The following COLEC12 variants were observed in gnomAD, a reference collection of about 807,000 sequenced individuals.
COLEC12 encodes the protein collectin subfamily member 12, also known as collectin-12.
In COLEC12, 33 loss-of-function variants were observed where a neutral mutation model predicts 71.1. The ratio of observed to expected loss-of-function variants is 0.46; its 90% CI spans 0.35 to 0.62. COLEC12 has a LOEUF of 0.62. Ranked by LOEUF, COLEC12 falls within the 20% of genes least tolerant of loss-of-function variation. The pLI is 0.00. For missense variants in COLEC12, 765 were observed against 916.1 expected (o/e 0.84, Z 2.13); for synonymous variants, 350 against 353.0 (o/e 0.99, Z 0.10).
At chr18:499,159 T>C (rs139162289) in intron 1 of COLEC12, among the ~76,000 whole-genome samples, 69 of 152,292 alleles carry the variant, frequency 4.5e-4, no homozygotes, top group East Asian at 1.5e-3. Flanking sequence ...GTGTATTTCC[T>C]AGAATGTAAA....
At chr18:492,630 G>A (rs1917638198) in intron 1 of COLEC12, among the ~76,000 whole-genome samples, 1 of 152,172 alleles carries the variant, frequency 6.6e-6, no homozygotes, top group South Asian at 2.1e-4. Context: ...TAAGGGCCTT[G>A]GCAGGGCCTC....
intron 2 of COLEC12, among the ~76,000 whole-genome samples, chr18:366,316 G>A (rs1914855861): frequency 6.6e-6 from 1 of 152,152 alleles, no homozygotes; most frequent in Non-Finnish European, 1.5e-5. Flanking sequence ...GGGAGCATGG[G>A]AAGGACCCCA....
intron 2 of COLEC12, among the ~76,000 whole-genome samples, chr18:458,797 C>T (rs943500464): frequency 6.6e-6 from 1 of 152,244 alleles, no homozygotes; most frequent in Non-Finnish European, 1.5e-5. Context: ...TCTGGTCCAC[C>T]ACTGCACCTC....
At chr18:493,349 G>A (rs1441019802) in intron 1 of COLEC12, among the ~76,000 whole-genome samples, 1 of 152,174 alleles carries the variant, frequency 6.6e-6, no homozygotes, top group African/African-American at 2.4e-5. Flanking sequence ...TTATAAGCAC[G>A]AGTCATCAGG....
At chr18:378,275 G>A (rs1915155674) in intron 2 of COLEC12, among the ~76,000 whole-genome samples, 1 of 152,162 alleles carries the variant, frequency 6.6e-6, no homozygotes, top group Non-Finnish European at 1.5e-5. Flanking sequence ...CCTGCACAGC[G>A]CTGGCCAGGC....
intron 2 of COLEC12, among the ~76,000 whole-genome samples, chr18:435,433 G>C (rs1361757713): frequency 6.6e-6 from 1 of 152,066 alleles, no homozygotes; most frequent in Non-Finnish European, 1.5e-5. Context: ...ACCAGATCTC[G>C]TGAGATGCAC....
intron 8 of COLEC12, among the ~76,000 whole-genome samples, chr18:325,421 A>G (rs1026877753): frequency 2.6e-5 from 4 of 151,872 alleles, no homozygotes; most frequent in African/African-American, 4.8e-5. Flanking sequence ...ATCTCTGGTG[A>G]TCTAAGGTGG....
At chr18:465,314 G>T (rs1917064067) in intron 2 of COLEC12, among the ~76,000 whole-genome samples, 1 of 152,134 alleles carries the variant, frequency 6.6e-6, no homozygotes, top group African/African-American at 2.4e-5. Context: ...TGTTGGCCAG[G>T]CTGGTCTCAG....
At chr18:417,531 C>T (rs1916011080) in intron 2 of COLEC12, among the ~76,000 whole-genome samples, 1 of 152,022 alleles carries the variant, frequency 6.6e-6, no homozygotes, top group South Asian at 2.1e-4. Flanking sequence ...CGCCAAGCCA[C>T]AGTTCCCAAG....
chr18:373,948 C>T (rs1309462298), intron 2 of COLEC12, among the ~76,000 whole-genome samples: 3 of 152,208 alleles, frequency 2.0e-5, no homozygotes, highest in Non-Finnish European at 2.9e-5. Context: ...TGAGCTTGGG[C>T]CTCCTCTTGC....
At chr18:379,796 GGGA>G (rs1222520966) in intron 2 of COLEC12, among the ~76,000 whole-genome samples, 10 of 152,132 alleles carry the variant, frequency 6.6e-5, no homozygotes, top group African/African-American at 2.4e-4. Context: ...AGATGAATAA[GGGA>G]GGAGTTCATT....
rs115194599 is a variant in COLEC12 at position 490,093 on chromosome 18, G to A, written c.8-9336C>T. 6.6e-3 allele frequency among the ~76,000 whole-genome samples: 1,008 copies of A among 152,330 alleles called. 11 individuals are homozygous for A. The highest frequency in any genetic ancestry group is 0.023 in the African/African-American group (970 of 41,570). On this transcript the variant is annotated intron_variant, in intron 1 of 9. Transcript: ENST00000400256. Reference sequence around the variant, plus strand: ...TGGGAGTGGGTGGCTCCAGGGCCCTGGCCTTAGAGGCCTTTCAGCTTCTGA... The same window carrying A: ...TGGGAGTGGGTGGCTCCAGGGCCCTAGCCTTAGAGGCCTTTCAGCTTCTGA...
At chr18:414,183 G>A (rs759234331) in intron 2 of COLEC12, among the ~76,000 whole-genome samples, 11 of 152,212 alleles carry the variant, frequency 7.2e-5, no homozygotes, top group Non-Finnish European at 1.5e-4. Context: ...GCAACTGCAT[G>A]TGAATTTACA....
chr18:384,245 C>T (rs746402330), intron 2 of COLEC12, among the ~76,000 whole-genome samples: 4 of 152,038 alleles, frequency 2.6e-5, no homozygotes, highest in East Asian at 1.9e-4. Context: ...ATGCATCCAG[C>T]GGATCGCAGT....
chr18:440,360 AACACACACACACACACAT>A (rs1456880563), intron 2 of COLEC12, among the ~76,000 whole-genome samples: 1 of 118,746 alleles, frequency 8.4e-6, no homozygotes, highest in East Asian at 2.6e-4. Context: ...AAATGTTCTC[AACACACACACACACACAT>A]ACACACACAC....
In COLEC12 at chr18:334,832, G is replaced by A; in HGVS notation, c.1726C>T (p.Pro576Ser). The part of the protein sequence containing the change: ...GLPGVPGMPG[P>S]KGPPGPPGPS... ...CCAGGAGGGCCGGGGGGGCCCTTGG[G>A]GCCTGGCATGCCTGGTACCCCAGGC... Residue 576 changes from proline (P) to serine (S), a missense_variant, in exon 6 of 10, where the codon CCC becomes TCC. By Grantham distance (74) the Pro-to-Ser change is moderately conservative. Coordinates refer to ENST00000400256, the MANE Select transcript of COLEC12 (RefSeq NM_130386.3). 2.6e-6 allele frequency: 4 copies of A among 1,517,914 alleles called. No individual in the cohort carries two copies. Among genetic ancestry groups the A allele is most frequent in the Non-Finnish European group, 3.5e-6 (4 of 1,140,922 alleles). 94.0% of individuals were successfully genotyped at this position (1,517,914 alleles called of 1,614,324 possible).
intron 2 of COLEC12, among the ~76,000 whole-genome samples, chr18:449,070 A>T (rs753455666): frequency 2.4e-4 from 37 of 152,186 alleles, no homozygotes; most frequent in Admixed American, 8.5e-4. Context: ...TCATACTGAA[A>T]CCTATAAATT....
intron 2 of COLEC12, among the ~76,000 whole-genome samples, chr18:377,508 C>T (rs1386479438): frequency 6.6e-6 from 1 of 152,196 alleles, no homozygotes; most frequent in Non-Finnish European, 1.5e-5. Context: ...ACAGAAGCCA[C>T]CTTTCTCGCC....
At chr18:348,877 T>A (rs1366756446) in intron 3 of COLEC12, among the ~76,000 whole-genome samples, 3 of 152,200 alleles carry the variant, frequency 2.0e-5, no homozygotes, top group African/African-American at 4.8e-5. Flanking sequence ...AGGGTTTGGC[T>A]GTGTCCCCAC....
Sources: allele counts gnomAD v4.1 joint callset (sites outside exome capture counted in the v4.1 genomes callset), GRCh38; gene constraint gnomAD v4.1.1; transcripts MANE v1.5; gene names NCBI Gene and HGNC (gene_info 2026-07-23, HGNC 2026-07-21).